Variants in ITPKB observed in about 807,000 individuals in gnomAD.
ITPKB encodes the protein IP3 3-kinase B.
Under a neutral mutation model 69.4 loss-of-function variants are expected in ITPKB, and 13 were observed. The ratio of observed to expected loss-of-function variants is 0.19; its 90% CI spans 0.12 to 0.30. The LOEUF (loss-of-function observed/expected upper bound fraction) is 0.30. Ranked by LOEUF, ITPKB falls within the 10% of genes least tolerant of loss-of-function variation. The pLI, the probability that ITPKB is intolerant of heterozygous loss-of-function variation, is 1.00. For missense variants in ITPKB, 1,240 were observed against 1,250.5 expected, an observed-to-expected ratio of 0.99 and a Z score of 0.13; for synonymous variants, 584 against 513.7, an observed-to-expected ratio of 1.14 and a Z score of -1.85.
intron 2 of ITPKB, among the ~76,000 whole-genome samples, chr1:226,725,957 G>GTTTCTTT (rs1657399089): frequency 6.6e-6 from 1 of 152,158 alleles, no homozygotes; most frequent in Non-Finnish European, 1.5e-5. Context: ...AAGCAACAAG[G>GTTTCTTT]TCAGAATACT....
rs1463141767 is a variant in ITPKB at position 226,634,894 on chromosome 1, G to A, written c.2626-8C>T. The A allele has an allele frequency of 1.9e-6, 3 of 1,606,102 alleles. No homozygotes were observed. The highest frequency in any genetic ancestry group is 2.6e-6 in the Non-Finnish European group (3 of 1,174,262). On this transcript the variant is annotated splice_polypyrimidine_tract_variant and splice_region_variant and intron_variant, in intron 7 of 7. Coordinates refer to ENST00000429204, the MANE Select transcript of ITPKB (RefSeq NM_002221.4). The surrounding 1 kb of genome is among the most constrained non-coding windows in gnomAD (Gnocchi z 6.3). ...GAGGGAGCTGCCAATGACCTGAGGA[G>A]AACATGGGGGTGAAGGGTGAGCTGA...
intron 1 of ITPKB, 82 bp from the exon 2 acceptor site, chr1:226,737,745 GC>G (rs893559339): frequency 5.9e-4 from 150 of 255,172 alleles, no homozygotes; most frequent in African/African-American, 3.3e-3. Flanking sequence ...CCCAGAGAGA[GC>G]CCCGGGAACA....
At chr1:226,695,453 A>AG (rs1459349899) in intron 2 of ITPKB, among the ~76,000 whole-genome samples, 1 of 152,168 alleles carries the variant, frequency 6.6e-6, no homozygotes, top group Non-Finnish European at 1.5e-5. Context: ...AGGTTGGCAA[A>AG]GGGGGTTGGT....
At chr1:226,722,436 T>C (rs972562069) in intron 2 of ITPKB, among the ~76,000 whole-genome samples, 1 of 152,194 alleles carries the variant, frequency 6.6e-6, no homozygotes, top group African/African-American at 2.4e-5. Context: ...TAACCAGCAG[T>C]CTGCAGAGGC....
At chr1:226,692,806 C>T (rs1656388667) in intron 2 of ITPKB, among the ~76,000 whole-genome samples, 1 of 152,180 alleles carries the variant, frequency 6.6e-6, no homozygotes, top group Non-Finnish European at 1.5e-5. Context: ...GTTTGAAGAA[C>T]ATACCAACTT....
rs200871560 is a variant in ITPKB, at chr1:226,642,094, G to A, written c.2278C>T (p.Arg760Trp). The A allele has an allele frequency of 3.8e-5, 61 of 1,613,946 alleles. No individual in the cohort carries two copies. Among genetic ancestry groups the A allele is most frequent in the Non-Finnish European group, 4.3e-5 (51 of 1,179,996 alleles). Residue 760 changes from arginine to tryptophan, a missense_variant, in exon 5 of 8, where the codon CGG (arginine) becomes TGG (tryptophan). Coordinates refer to ENST00000429204, the MANE Select transcript of ITPKB (RefSeq NM_002221.4). This position sits in a 1 kb window ranked among gnomAD's most constrained non-coding sequence, Gnocchi z 6.4. ...TYLEEELTKARKKPSLRKDMY... is the reference protein window; with the variant it reads ...TYLEEELTKAWKKPSLRKDMY... ...TCCTTCCGCAGGCTGGGCTTCTTCC[G>A]GGCCTTCGTGAGCTCCTCCTCCAGG...
At chr1:226,655,800 C>T (rs1669276044) in intron 2 of ITPKB, among the ~76,000 whole-genome samples, 1 of 152,224 alleles carries the variant, frequency 6.6e-6, no homozygotes, top group Non-Finnish European at 1.5e-5. Context: ...TTATATTTCT[C>T]AGTGCAATTT....
intron 2 of ITPKB, among the ~76,000 whole-genome samples, chr1:226,666,146 C>T (rs1669499131): frequency 6.6e-6 from 1 of 152,206 alleles, no homozygotes; most frequent in Admixed American, 6.5e-5. Flanking sequence ...GGCATCAGTC[C>T]TATATCTGCC....
intron 4 of ITPKB, among the ~76,000 whole-genome samples, chr1:226,645,639 TGGAA>T (rs1669045591): frequency 6.6e-6 from 1 of 152,152 alleles, no homozygotes; most frequent in South Asian, 2.1e-4. Context: ...CTGTCTGGGT[TGGAA>T]GGAAGGGCTG....
At chr1:226,713,630 G>GA (rs1657028145) in intron 2 of ITPKB, among the ~76,000 whole-genome samples, 1 of 152,196 alleles carries the variant, frequency 6.6e-6, no homozygotes, top group South Asian at 2.1e-4. Flanking sequence ...AAATCATCCA[G>GA]AATGTTCTCA....
At chr1:226,715,193 T>C (rs1657065526) in intron 2 of ITPKB, among the ~76,000 whole-genome samples, 1 of 152,232 alleles carries the variant, frequency 6.6e-6, no homozygotes, top group Non-Finnish European at 1.5e-5. Context: ...CCCTAGAAGG[T>C]AGGAACTAAG....
intron 2 of ITPKB, chr1:226,657,006 A>G (rs1451512575): frequency 6.6e-6 from 1 of 152,262 alleles, no homozygotes; most frequent in Non-Finnish European, 1.5e-5. Context: ...CAAGCATCCA[A>G]CTAGGCACTT....
chr1:226,701,848 C>T lies in ITPKB; in HGVS notation c.1932+33679G>A, dbSNP rs773352428. ...CAGATGTCATGATGACTGAATCCTTCTGACTCCTTGTCAGCATCAGCACTC... is the reference window on the plus strand; with the variant it reads ...CAGATGTCATGATGACTGAATCCTTTTGACTCCTTGTCAGCATCAGCACTC... On this transcript the variant is annotated intron_variant, in intron 2 of 7. Coordinates refer to ENST00000429204, the MANE Select transcript of ITPKB (RefSeq NM_002221.4). Among the ~76,000 whole-genome samples the T allele has an allele frequency of 3.3e-4, 51 of 152,276 alleles. 1 individual carries two copies. Among genetic ancestry groups the T allele is most frequent in the Non-Finnish European group, 6.8e-4 (46 of 68,026 alleles).
chr1:226,726,494 T>C (rs768358791), intron 2 of ITPKB, among the ~76,000 whole-genome samples: 12 of 151,934 alleles, frequency 7.9e-5, no homozygotes, highest in East Asian at 3.9e-4. Flanking sequence ...CTGGGCAACA[T>C]AGCAAGAGAT....
At chr1:226,727,213 G>T (rs981312365) in intron 2 of ITPKB, among the ~76,000 whole-genome samples, 5 of 152,178 alleles carry the variant, frequency 3.3e-5, no homozygotes, top group African/African-American at 7.2e-5. Context: ...ATAAGCAGAG[G>T]CTTAGACAAA....
At chr1:226,733,333 A>C (rs1657648494) in intron 2 of ITPKB, among the ~76,000 whole-genome samples, 1 of 152,098 alleles carries the variant, frequency 6.6e-6, no homozygotes, top group Admixed American at 6.5e-5. Context: ...CAAACACAGA[A>C]AGGCCCAGCC....
intron 5 of ITPKB, 129 bp from the exon 6 acceptor site, chr1:226,639,787 C>T: frequency 1.5e-6 from 1 of 689,030 alleles, no homozygotes. Flanking sequence ...GTGGAGGCAC[C>T]CAGGTGTCCA....
At chr1:226,723,371 G>T (rs1423393977) in intron 2 of ITPKB, among the ~76,000 whole-genome samples, 1 of 152,170 alleles carries the variant, frequency 6.6e-6, no homozygotes, top group Non-Finnish European at 1.5e-5. Flanking sequence ...CACGTGACGG[G>T]CCTCACTGGG....
At chr1:226,664,416 C>T (rs1669458509) in intron 2 of ITPKB, among the ~76,000 whole-genome samples, 1 of 152,200 alleles carries the variant, frequency 6.6e-6, no homozygotes, top group Non-Finnish European at 1.5e-5. Flanking sequence ...GAGCAAACCT[C>T]CTTTGCAATG....
Sources: gnomAD v4.1 joint callset for allele counts (sites outside exome capture counted in the v4.1 genomes callset) on GRCh38, gnomAD v4.1.1 for gene constraint, Gnocchi (gnomAD v3.1) non-coding constraint, MANE v1.5 for transcripts, NCBI Gene and HGNC (gene_info 2026-07-23, HGNC 2026-07-21) for gene names.